Variants in FAM163A observed in about 807,000 individuals in gnomAD.
The protein encoded by FAM163A is family with sequence similarity 163 member A, also known as protein FAM163A.
In FAM163A, 7 loss-of-function variants were observed where a neutral mutation model predicts 12.0. The ratio of observed to expected loss-of-function variants is 0.58; its 90% confidence interval spans 0.33 to 1.10. The LOEUF is 1.10. Ranked by LOEUF, FAM163A falls within the 50% of genes least tolerant of loss-of-function variation. The pLI is 0.03. For synonymous variants in FAM163A, 101 were observed against 91.0 expected (o/e 1.11, Z -0.62); for missense variants, 202 against 218.6 (o/e 0.92, Z 0.48).
At chr1:179,728,940 C>T in the FAM163A span, among the ~76,000 whole-genome samples, 8 of 152,032 alleles carry the variant, frequency 5.3e-5, no homozygotes, top group South Asian at 4.2e-4. Flanking sequence ...CCTGTTAAAG[C>T]GTCAGTTAAC....
intron 1 of FAM163A, among the ~76,000 whole-genome samples, chr1:179,750,839 G>C (rs1016670297): frequency 2.0e-5 from 3 of 152,208 alleles, no homozygotes; most frequent in African/African-American, 7.2e-5. Flanking sequence ...CAGGCAAAAA[G>C]TGACAGTTGT....
chr1:179,752,769 G>A (rs1225791791), intron 1 of FAM163A, among the ~76,000 whole-genome samples: 1 of 152,102 alleles, frequency 6.6e-6, no homozygotes, highest in African/African-American at 2.4e-5. Context: ...CTGTTGGGAT[G>A]GCAGTTATCA....
intron 1 of FAM163A, among the ~76,000 whole-genome samples, chr1:179,766,856 A>G (rs1687577068): frequency 6.6e-6 from 1 of 152,042 alleles, no homozygotes; most frequent in Non-Finnish European, 1.5e-5. Flanking sequence ...CCCGGGTTCA[A>G]GCGATTCTCC....
At chr1:179,739,958 G>T (rs1316199897), upstream of FAM163A, among the ~76,000 whole-genome samples, 3 of 152,186 alleles carry the variant, frequency 2.0e-5, no homozygotes, top group Admixed American at 6.5e-5. Flanking sequence ...TATGTTCCTT[G>T]TTGGGATGTA....
At chr1:179,794,696 G>A (rs1692014806) in intron 1 of FAM163A, among the ~76,000 whole-genome samples, 1 of 152,170 alleles carries the variant, frequency 6.6e-6, no homozygotes, top group African/African-American at 2.4e-5. Context: ...GGAGTCCTTT[G>A]CTAGGTGCTC....
At chr1:179,745,873 C>T (rs1684395133) in intron 1 of FAM163A, among the ~76,000 whole-genome samples, 1 of 152,128 alleles carries the variant, frequency 6.6e-6, no homozygotes, top group Admixed American at 6.5e-5. Flanking sequence ...CCACTTTCTT[C>T]CAATTAAGAA....
intron 1 of FAM163A, among the ~76,000 whole-genome samples, chr1:179,800,979 T>C (rs1459299960): frequency 6.6e-6 from 1 of 152,120 alleles, no homozygotes; most frequent in African/African-American, 2.4e-5. Flanking sequence ...CAAGCCCCCA[T>C]TATAGGGCTC....
At chr1:179,737,798 A>G in the FAM163A span, among the ~76,000 whole-genome samples, 1 of 151,830 alleles carries the variant, frequency 6.6e-6, no homozygotes, top group Non-Finnish European at 1.5e-5. Context: ...TCGCACCACT[A>G]CACTCCAGCC....
chr1:179,758,283 T>C (rs1031714498), intron 1 of FAM163A, among the ~76,000 whole-genome samples: 1 of 152,192 alleles, frequency 6.6e-6, no homozygotes, highest in African/African-American at 2.4e-5. Flanking sequence ...GATATTATTA[T>C]TGGATTCCTG....
Position 179,743,352 on chromosome 1 carries a change from C to G in FAM163A, c.-207C>G, listed in dbSNP as rs1244323581. 1 of 152,336 alleles carries G rather than the reference C, an allele frequency of 6.6e-6. No individual in the cohort carries two copies. Among genetic ancestry groups the G allele is most frequent in the Non-Finnish European group, 1.5e-5 (1 of 68,158 alleles). The allele number at this position is 152,336 out of a possible 1,614,324, so 9.4% of individuals were successfully genotyped here. On this transcript the variant is annotated 5_prime_UTR_variant, in exon 1 of 5. Coordinates refer to ENST00000341785, the MANE Select transcript of FAM163A (RefSeq NM_173509.3). ...GTGTGCCGCCCCAGCCGCTGGCGCC[C>G]GGAAGGACGCGCTGCGACCCCGTGG...
intron 1 of FAM163A, among the ~76,000 whole-genome samples, chr1:179,763,895 C>G (rs72708619): frequency 0.12 from 17,512 of 152,212 alleles, 1,115 homozygotes; most frequent in Non-Finnish European, 0.13. Context: ...GTGGAGGAGT[C>G]TGAATTCCTC....
intron 1 of FAM163A, among the ~76,000 whole-genome samples, chr1:179,775,269 A>G (rs978335277): frequency 1.3e-5 from 2 of 152,188 alleles, no homozygotes; most frequent in South Asian, 2.1e-4. Context: ...CAAACATCCA[A>G]TTGGTTGCAA....
intron 1 of FAM163A, among the ~76,000 whole-genome samples, chr1:179,796,194 AATCT>A (rs1217857551): frequency 2.6e-5 from 4 of 151,736 alleles, no homozygotes; most frequent in South Asian, 2.1e-4. Context: ...CATCAATGCT[AATCT>A]ATCTATTTCT....
chr1:179,784,459 A>G (rs1404666980), intron 1 of FAM163A, among the ~76,000 whole-genome samples: 1 of 152,234 alleles, frequency 6.6e-6, no homozygotes, highest in Non-Finnish European at 1.5e-5. Flanking sequence ...TCTGCATTAC[A>G]GAATCTGTTG....
the FAM163A span, among the ~76,000 whole-genome samples, chr1:179,731,045 A>T: frequency 6.6e-6 from 1 of 152,308 alleles, no homozygotes; most frequent in East Asian, 1.9e-4. Context: ...TTTAATTTGG[A>T]ATTAAAATGA....
rs189100182 is a variant in FAM163A at position 179,789,765 on chromosome 1, A to T, written c.-135-18033A>T. ...CCAGGATGAGAACACAGGCACTCAA[A>T]GGCAATTAAAGCCTTGTCCAGGGTT... is the stretch of plus-strand genomic sequence containing the variant. On this transcript the variant is annotated intron_variant, in intron 1 of 4. Transcript: ENST00000341785. Among the ~76,000 whole-genome samples, 68 of 152,312 alleles carry T rather than the reference A, an allele frequency of 4.5e-4. 2 individuals are homozygous for T. The highest frequency in any genetic ancestry group is 4.7e-4 in the Non-Finnish European group (32 of 68,016).
At chr1:179,759,633 T>G (rs566907278) in intron 1 of FAM163A, among the ~76,000 whole-genome samples, 1 of 150,904 alleles carries the variant, frequency 6.6e-6, no homozygotes, top group South Asian at 2.1e-4. Context: ...GGAAGGGAGG[T>G]GCAAGGTGGG....
chr1:179,805,390 C>T (rs746480990), intron 1 of FAM163A, among the ~76,000 whole-genome samples: 44 of 151,980 alleles, frequency 2.9e-4, no homozygotes, highest in African/African-American at 8.0e-4. Flanking sequence ...TGGTGGCGGG[C>T]GCCTATAATC....
chr1:179,791,732 C>T (rs1691534458), intron 1 of FAM163A, among the ~76,000 whole-genome samples: 1 of 152,064 alleles, frequency 6.6e-6, no homozygotes, highest in Non-Finnish European at 1.5e-5. Context: ...ATATTTTTGC[C>T]CTCACCCCTA....
Sources: gnomAD v4.1 joint callset for allele counts (sites outside exome capture counted in the v4.1 genomes callset) on GRCh38, gnomAD v4.1.1 for gene constraint, MANE v1.5 for transcripts, NCBI Gene and HGNC (gene_info 2026-07-23, HGNC 2026-07-21) for gene names.